KCNMB2: variants seen among roughly 807,000 people sequenced by gnomAD.
The protein encoded by KCNMB2 is potassium calcium-activated channel subfamily M regulatory beta subunit 2, also known as calcium-activated potassium channel subunit beta-2.
KCNMB2 carries 9 observed loss-of-function variants against 24.5 expected under a neutral mutation model. The ratio of observed to expected loss-of-function variants is 0.37; its 90% CI spans 0.22 to 0.64. The LOEUF (loss-of-function observed/expected upper bound fraction) is 0.64, where lower values mean the gene tolerates loss of function less well. KCNMB2 is among the 30% of genes least tolerant of loss of function. The pLI, the probability that KCNMB2 is intolerant of heterozygous loss-of-function variation, is 0.63. For missense variants in KCNMB2, 226 were observed against 284.3 expected, an observed-to-expected ratio of 0.79 and a Z score of 1.47; for synonymous variants, 109 against 104.4, an observed-to-expected ratio of 1.04 and a Z score of -0.27.
intron 1 of KCNMB2, among the ~76,000 whole-genome samples, chr3:178,650,636 T>C (rs982180163): frequency 6.6e-5 from 10 of 152,086 alleles, no homozygotes; most frequent in African/African-American, 2.2e-4. Context: ...ATATCCCTGA[T>C]GAACATTGAT....
chr3:178,807,364 G>C lies in KCNMB2; in HGVS notation c.-46G>C. The C allele has an allele frequency of 6.4e-7, 1 of 1,555,942 alleles. No homozygotes were observed. Among genetic ancestry groups the C allele is most frequent in the African/African-American group, 1.4e-5 (1 of 73,634 alleles). On this transcript the variant is annotated 5_prime_UTR_variant, in exon 2 of 5. Coordinates refer to ENST00000452583, the MANE Select transcript of KCNMB2 (RefSeq NM_181361.3). Reference sequence around the variant, plus strand: ...CTAGGTCTTTTTGCCATTCCTCCAGGACATCCACCATAAGGAAAGGAGACC... The same window carrying C: ...CTAGGTCTTTTTGCCATTCCTCCAGCACATCCACCATAAGGAAAGGAGACC...
chr3:178,756,531 C>G lies in KCNMB2; in HGVS notation c.-67-50812C>G, dbSNP rs569147010. 5.3e-5 allele frequency among the ~76,000 whole-genome samples: 8 copies of G among 152,162 alleles called. No homozygotes were observed. The East Asian group carries it at 1.3e-3, about 26-fold the overall frequency. On this transcript the variant is annotated intron_variant, in intron 1 of 4. Coordinates refer to ENST00000452583, the MANE Select transcript of KCNMB2 (RefSeq NM_181361.3). ...TGCATTATTTCTTTATAATAACACA[C>G]TAGTCAAGAAGAGTTTAAATTTTTC... is the stretch of plus-strand genomic sequence containing the variant.
intron 1 of KCNMB2, among the ~76,000 whole-genome samples, chr3:178,778,462 A>G (rs1037089780): frequency 7.9e-5 from 5 of 63,594 alleles, no homozygotes; most frequent in South Asian, 1.2e-3. Flanking sequence ...TAAGACACAC[A>G]CACACACACA....
chr3:178,589,030 T>C (rs1250226054), intron 1 of KCNMB2, among the ~76,000 whole-genome samples: 2 of 152,242 alleles, frequency 1.3e-5, no homozygotes, highest in Non-Finnish European at 2.9e-5. Flanking sequence ...AAACACTAAA[T>C]ACTTAGTAGG....
At position 178,616,273 on chromosome 3, in the gene KCNMB2, T is replaced by G. The variant is rs369275982; in HGVS notation, c.-68+79562T>G. 2.8e-4 allele frequency among the ~76,000 whole-genome samples: 42 copies of G among 152,322 alleles called. 1 individual carries two copies. The South Asian group carries it at 8.5e-3, about 31-fold the overall frequency. ...GAGTTGCAGTCCTTACGTCCTAGAC[T>G]TCCTTTCAAGTTTACTTGGAGATAT... On this transcript the variant is annotated intron_variant, in intron 1 of 4. Transcript: ENST00000452583.
intron 1 of KCNMB2, among the ~76,000 whole-genome samples, chr3:178,587,729 A>G (rs1275293596): frequency 7.1e-6 from 1 of 140,154 alleles, no homozygotes; most frequent in Non-Finnish European, 1.5e-5. Flanking sequence ...TACAGGCGTG[A>G]GCCAGTAATC....
intron 1 of KCNMB2, among the ~76,000 whole-genome samples, chr3:178,539,226 T>A (rs976608690): frequency 4.6e-5 from 7 of 152,078 alleles, no homozygotes; most frequent in Non-Finnish European, 7.4e-5. Flanking sequence ...AAAATATAAT[T>A]AAAAATAAAG....
intron 1 of KCNMB2, among the ~76,000 whole-genome samples, chr3:178,633,760 C>T (rs1357679854): frequency 2.0e-5 from 3 of 152,258 alleles, no homozygotes; most frequent in Non-Finnish European, 4.4e-5. Flanking sequence ...ACTTCTACTA[C>T]TGGCTTGAAT....
chr3:178,554,416 T>TA (rs1230021042), intron 1 of KCNMB2, among the ~76,000 whole-genome samples: 5 of 152,366 alleles, frequency 3.3e-5, no homozygotes, highest in African/African-American at 1.2e-4. Flanking sequence ...CATCTGGTGT[T>TA]ACAGAATTGA....
chr3:178,772,061 G>T (rs1338491117), intron 1 of KCNMB2, among the ~76,000 whole-genome samples: 2 of 151,996 alleles, frequency 1.3e-5, no homozygotes, highest in Admixed American at 6.6e-5. Flanking sequence ...CAAAATGTTG[G>T]TTTATTAGTG....
At chr3:178,542,624 G>C (rs1715657077) in intron 1 of KCNMB2, among the ~76,000 whole-genome samples, 3 of 152,096 alleles carry the variant, frequency 2.0e-5, no homozygotes, top group African/African-American at 7.2e-5. Context: ...GATGACTGAA[G>C]GCTACTGGTG....
chr3:178,566,952 T>C (rs1716548140), intron 1 of KCNMB2, among the ~76,000 whole-genome samples: 1 of 152,198 alleles, frequency 6.6e-6, no homozygotes, highest in Non-Finnish European at 1.5e-5. Context: ...AAATGTCCTA[T>C]CTTTTGTAGC....
intron 1 of KCNMB2, among the ~76,000 whole-genome samples, chr3:178,776,255 A>C (rs560224343): frequency 2.0e-5 from 3 of 152,186 alleles, no homozygotes; most frequent in Admixed American, 6.5e-5. Context: ...CACAGTCCCC[A>C]AAGAGAGTTT....
intron 2 of KCNMB2, among the ~76,000 whole-genome samples, chr3:178,814,688 G>A (rs1003223994): frequency 1.3e-5 from 2 of 152,274 alleles, no homozygotes; most frequent in African/African-American, 4.8e-5. Flanking sequence ...TGGTCTCATT[G>A]TGGTCTTAAT....
At chr3:178,621,163 C>T (rs1018160547) in intron 1 of KCNMB2, among the ~76,000 whole-genome samples, 3 of 152,046 alleles carry the variant, frequency 2.0e-5, no homozygotes, top group African/African-American at 7.2e-5. Context: ...ATAATTTAGG[C>T]CCAAAACAAT....
intron 2 of KCNMB2, among the ~76,000 whole-genome samples, chr3:178,818,038 ATTC>A (rs1714475610): frequency 6.6e-6 from 1 of 152,254 alleles, no homozygotes; most frequent in Admixed American, 6.5e-5. Context: ...GATACATTTA[ATTC>A]TTCATTTCTA....
chr3:178,628,812 G>A (rs1052091281), intron 1 of KCNMB2, among the ~76,000 whole-genome samples: 1 of 152,106 alleles, frequency 6.6e-6, no homozygotes, highest in African/African-American at 2.4e-5. Context: ...AATTCTGGCT[G>A]GGCTGCTCTG....
At chr3:178,673,339 A>G (rs59424630) in intron 1 of KCNMB2, among the ~76,000 whole-genome samples, 12,594 of 152,150 alleles carry the variant, frequency 0.083, 553 homozygotes, top group Middle Eastern at 0.13. Flanking sequence ...ATACTTTCCT[A>G]GTCTATTACC....
chr3:178,570,813 C>T (rs1420623221), intron 1 of KCNMB2, among the ~76,000 whole-genome samples: 1 of 152,088 alleles, frequency 6.6e-6, no homozygotes, highest in Non-Finnish European at 1.5e-5. Flanking sequence ...TTAATGAACT[C>T]TGGTAAGAAG....
Sources: allele counts gnomAD v4.1 joint callset (sites outside exome capture counted in the v4.1 genomes callset), GRCh38; gene constraint gnomAD v4.1.1; transcripts MANE v1.5; gene names NCBI Gene and HGNC (gene_info 2026-07-23, HGNC 2026-07-21).